The following DRC5 variants were observed in gnomAD, a reference collection of about 807,000 sequenced individuals.
DRC5 encodes the protein T-complex-associated testis-expressed protein 1.
the DRC5 span, chr6:44,286,200 C>A: frequency 6.2e-7 from 1 of 1,611,648 alleles, no homozygotes; most frequent in South Asian, 1.1e-5. Context: ...CGGAGCTGGG[C>A]CGGGAGCTGC....
the DRC5 span, among the ~76,000 whole-genome samples, chr6:44,297,294 C>A: frequency 5.9e-5 from 9 of 152,336 alleles, no homozygotes; most frequent in South Asian, 1.4e-3. Context: ...TTCGGAGAAG[C>A]CTAGGGCCCC....
chr6:44,294,858 G>A, the DRC5 span, among the ~76,000 whole-genome samples: 2 of 152,088 alleles, frequency 1.3e-5, no homozygotes, highest in Non-Finnish European at 2.9e-5. Context: ...TGGGGAGTGG[G>A]TAAAGGAGAA....
the DRC5 span, among the ~76,000 whole-genome samples, chr6:44,283,112 T>G: frequency 1.3e-5 from 2 of 152,170 alleles, no homozygotes; most frequent in Non-Finnish European, 2.9e-5. Context: ...GCTTGGGTCT[T>G]TCACAACCAT....
the DRC5 span, among the ~76,000 whole-genome samples, chr6:44,291,887 CCTCT>C: frequency 2.0e-5 from 3 of 152,252 alleles, no homozygotes; most frequent in South Asian, 2.1e-4. Flanking sequence ...CAGGGAGTCA[CCTCT>C]CTCTCTTTCA....
chr6:44,283,441 T>C, the DRC5 span, among the ~76,000 whole-genome samples: 34 of 152,292 alleles, frequency 2.2e-4, no homozygotes, highest in African/African-American at 7.5e-4. Flanking sequence ...AGTATGAATA[T>C]TGTCCATGGG....
At chr6:44,280,226 G>GA in the DRC5 span, 1 of 1,614,230 alleles carries the variant, frequency 6.2e-7, no homozygotes, top group Non-Finnish European at 8.5e-7. Flanking sequence ...TGGTTGACAT[G>GA]AAGTGGCTGG....
the DRC5 span, chr6:44,280,468 A>G: frequency 1.9e-6 from 2 of 1,068,158 alleles, no homozygotes; most frequent in Non-Finnish European, 2.8e-6. Flanking sequence ...ATTTTCAGGT[A>G]GATGTGACTA....
chr6:44,291,288 A>C, the DRC5 span, among the ~76,000 whole-genome samples: 1 of 152,236 alleles, frequency 6.6e-6, no homozygotes, highest in Admixed American at 6.5e-5. Context: ...ATATCACAAA[A>C]ATATTTTGGC....
At chr6:44,282,365 A>C in the DRC5 span, 1 of 1,614,202 alleles carries the variant, frequency 6.2e-7, no homozygotes, top group African/African-American at 1.3e-5. Flanking sequence ...CACCGGGTGC[A>C]CGCACCTGGT....
chr6:44,288,583 C>T, the DRC5 span, among the ~76,000 whole-genome samples: 5 of 152,194 alleles, frequency 3.3e-5, no homozygotes, highest in Admixed American at 2.0e-4. Flanking sequence ...AGAACAGCAA[C>T]TGCCTGATCC....
At chr6:44,288,259 A>G in the DRC5 span, among the ~76,000 whole-genome samples, 2 of 152,208 alleles carry the variant, frequency 1.3e-5, no homozygotes, top group Non-Finnish European at 2.9e-5. Flanking sequence ...GTGCCAGACA[A>G]TCTTTTTAGT....
At chr6:44,279,980 TC>T in the DRC5 span, 1 of 521,970 alleles carries the variant, frequency 1.9e-6, no homozygotes, top group South Asian at 2.9e-5. Flanking sequence ...AAAGGCTGGG[TC>T]CCTACTGCAT....
At chr6:44,280,327 G>A in the DRC5 span, 43 of 1,614,048 alleles carry the variant, frequency 2.7e-5, no homozygotes, top group East Asian at 1.8e-4. Flanking sequence ...TCTGACAGGC[G>A]CAAGTCAAAT....
At chr6:44,287,880 A>C in the DRC5 span, 2 of 1,567,772 alleles carry the variant, frequency 1.3e-6, no homozygotes, top group African/African-American at 2.7e-5. Flanking sequence ...TATGACAAGA[A>C]GCTTCTCAGA....
chr6:44,281,448 G>A, the DRC5 span, among the ~76,000 whole-genome samples: 1 of 152,108 alleles, frequency 6.6e-6, no homozygotes, highest in Non-Finnish European at 1.5e-5. Context: ...GCAGGGGCAC[G>A]ATCTCAGCTC....
At chr6:44,296,108 A>C in the DRC5 span, among the ~76,000 whole-genome samples, 1 of 152,228 alleles carries the variant, frequency 6.6e-6, no homozygotes, top group African/African-American at 2.4e-5. Context: ...TAACTTACTA[A>C]ATGTCACTAG....
the DRC5 span, among the ~76,000 whole-genome samples, chr6:44,297,302 C>T: frequency 1.3e-5 from 2 of 152,332 alleles, no homozygotes; most frequent in Non-Finnish European, 2.9e-5. Flanking sequence ...AGCCTAGGGC[C>T]CCAGGGCTTG....
the DRC5 span, chr6:44,286,412 C>T: frequency 7.4e-6 from 12 of 1,614,016 alleles, no homozygotes; most frequent in African/African-American, 1.3e-5. Flanking sequence ...CATGCAGCAG[C>T]GGAGCCAGTA....
chr6:44,281,992 G>C, the DRC5 span: 3 of 933,162 alleles, frequency 3.2e-6, no homozygotes, highest in Non-Finnish European at 4.9e-6. Flanking sequence ...CACAGTATGT[G>C]TGCATACTTG....
Sources: allele counts gnomAD v4.1 joint callset (sites outside exome capture counted in the v4.1 genomes callset), GRCh38; gene constraint gnomAD v4.1.1; transcripts MANE v1.5; gene names NCBI Gene and HGNC (gene_info 2026-07-23, HGNC 2026-07-21).